The following DDX18 variants were observed in gnomAD, a reference collection of about 807,000 sequenced individuals.
DDX18 encodes DEAD-box helicase 18.
Under a neutral mutation model 73.5 loss-of-function variants are expected in DDX18, and 23 were observed. The observed-to-expected ratio is 0.31, with a 90% CI of 0.23 to 0.44. The LOEUF is 0.44. DDX18 is among the 20% of genes least tolerant of loss of function. DDX18 has a pLI of 1.00. For synonymous variants in DDX18, 268 were observed against 282.7 expected, an observed-to-expected ratio of 0.95 and a Z score of 0.52; for missense variants, 753 against 792.9, an observed-to-expected ratio of 0.95 and a Z score of 0.60.
Position 117,817,892 on chromosome 2 carries a change from C to T in DDX18, c.370+164C>T, listed in dbSNP as rs6737733. ...AATGGAAACATTTTATTGGCAGAAG[C>T]GGGGAGTCCATTTCAACTTTTCTCA... On this transcript the variant is annotated intron_variant, in intron 2 of 13. Coordinates refer to ENST00000263239, the MANE Select transcript of DDX18 (RefSeq NM_006773.4). 0.34 allele frequency among the ~76,000 whole-genome samples: 52,360 copies of T among 151,944 alleles called. 9,817 individuals carry two copies. Among genetic ancestry groups the T allele is most frequent in the African/African-American group, 0.48 (19,731 of 41,426 alleles).
chr2:117,829,393 T>A lies in DDX18; in HGVS notation c.1797T>A (p.Phe599Leu). 1 of 1,614,182 alleles carries A rather than the reference T, an allele frequency of 6.2e-7. No homozygotes were observed. Among genetic ancestry groups the A allele is most frequent in the South Asian group, 1.1e-5 (1 of 91,070 alleles). The change falls in exon 13 of 14, where the codon TTT becomes TTA. Residue 599 changes from phenylalanine (F) to leucine (L), a missense_variant. By Grantham distance (22) the Phe-to-Leu change is conservative. Transcript: ENST00000263239. ...ATTCCCATTCTCTGAAACAGATCTT[T>A]AATGTTAATAACCTAAATTTGCCTC... ...AYDSHSLKQI[F>L]NVNNLNLPQV...
intron 11 of DDX18, chr2:117,828,667 G>A (rs964928502): frequency 3.4e-6 from 1 of 297,252 alleles, no homozygotes; most frequent in African/African-American, 2.2e-5. Context: ...GCTGATTCAT[G>A]GTTGCAAATA....
Position 117,826,876 on chromosome 2 carries a change from C to G in DDX18, c.1635+494C>G, listed in dbSNP as rs2551895. ...CTCACTGTAAAAAAGTAACTTCAAC[C>G]TTAAACCTGTTCTTCTACCCCTGCC... On this transcript the variant is annotated intron_variant, in intron 11 of 13. Coordinates refer to ENST00000263239, the MANE Select transcript of DDX18 (RefSeq NM_006773.4). 562 of 156,430 alleles carry G rather than the reference C, an allele frequency of 3.6e-3. 6 individuals are homozygous for G. Among genetic ancestry groups the G allele is most frequent in the African/African-American group, 0.013 (531 of 41,626 alleles). 9.7% of individuals were successfully genotyped at this position (156,430 alleles called of 1,614,324 possible).
intron 5 of DDX18, 32 bp from the exon 6 acceptor site, chr2:117,821,830 A>C (rs1679851178): frequency 6.2e-7 from 1 of 1,613,646 alleles, no homozygotes; most frequent in Admixed American, 1.7e-5. Flanking sequence ...GGTGACAGCC[A>C]CATTTAGACT....
intron 2 of DDX18, among the ~76,000 whole-genome samples, chr2:117,818,252 T>G (rs916829963): frequency 6.6e-6 from 1 of 152,178 alleles, no homozygotes. Context: ...TAAGCAGAGA[T>G]ATCAAGGTAG....
At chr2:117,822,566 C>T (rs190909680) in intron 7 of DDX18, 39 of 301,096 alleles carry the variant, frequency 1.3e-4, no homozygotes, top group Admixed American at 2.9e-4. Flanking sequence ...TTTTGCCTTA[C>T]TTGTACATAC....
At chr2:117,823,540 G>A (rs965717872) in intron 7 of DDX18, among the ~76,000 whole-genome samples, 1 of 152,076 alleles carries the variant, frequency 6.6e-6, no homozygotes, top group East Asian at 1.9e-4. Flanking sequence ...ATCCTGTACC[G>A]AATGATTATT....
In DDX18 at chr2:117,831,773, A is replaced by G. The variant is rs1308851053; in HGVS notation, c.*1049A>G. 1 of 152,242 alleles carries G rather than the reference A, an allele frequency of 6.6e-6. No homozygotes were observed. The highest frequency in any genetic ancestry group is 1.5e-5 in the Non-Finnish European group (1 of 68,044). The allele number at this position is 152,242 out of a possible 1,614,324, so 9.4% of individuals were successfully genotyped here. A position where few individuals can be genotyped will look rare whatever the true frequency, so the allele number is the denominator to read the frequency against. On this transcript the variant is annotated 3_prime_UTR_variant, in exon 14 of 14. Coordinates refer to ENST00000263239, the MANE Select transcript of DDX18 (RefSeq NM_006773.4). ...CAAAGTTAGAAAAAAAAACAGCAAA[A>G]TCAGTGATTTAGTCAGATGAGTTTT...
Position 117,826,282 on chromosome 2 carries a change from G to A in DDX18, c.1535G>A (p.Arg512His), listed in dbSNP as rs748867652. ...TCTCCACCAAAGGAATATATTCATC[G>A]TGTGGGTAGAACAGCCAGAGGCCTA... ...PPDDPKEYIH[R>H]VGRTARGLNG... The change falls in exon 11 of 14, where the codon CGT (arginine) becomes CAT (histidine). Residue 512 changes from arginine (R) to histidine (H), a missense_variant. Arg to His is a conservative substitution (Grantham distance 29, BLOSUM62 0). Coordinates refer to ENST00000263239, the MANE Select transcript of DDX18 (RefSeq NM_006773.4). The A allele has an allele frequency of 5.0e-6, 8 of 1,613,724 alleles. No individual in the cohort carries two copies. Among genetic ancestry groups the A allele is most frequent in the Admixed American group, 3.3e-5 (2 of 59,988 alleles).
chr2:117,817,908 A>G (rs1363894472), intron 2 of DDX18, among the ~76,000 whole-genome samples, 180 bp downstream of exon 2: 3 of 152,214 alleles, frequency 2.0e-5, no homozygotes, highest in Admixed American at 1.3e-4. Flanking sequence ...GTCCATTTCA[A>G]CTTTTCTCAA....
In DDX18 at chr2:117,825,316, G is replaced by GA. The variant is rs541960471; in HGVS notation, c.1369-129dup. 1.5e-4 allele frequency: 190 copies of GA among 1,281,092 alleles called. No individual in the cohort carries two copies. The African/African-American group carries it at 2.8e-3, about 19-fold the overall frequency. The allele number at this position is 1,281,092 out of a possible 1,614,324, so 79.4% of individuals were successfully genotyped here. On this transcript the variant is annotated intron_variant, in intron 9 of 13. Coordinates refer to ENST00000263239, the MANE Select transcript of DDX18 (RefSeq NM_006773.4). The stretch of plus-strand genomic sequence containing the variant: ...CACCATCCTCCTTGAGGGGCTTGCG[G>GA]AACAGTTGGGGAAATAGGACATAGG...
At position 117,819,783 on chromosome 2, in the gene DDX18, G is replaced by A; in HGVS notation, c.505G>A (p.Gly169Arg). Residue 169 changes from glycine (G) to arginine (R), a missense_variant, in exon 3 of 14, where the codon GGA becomes AGA. Around this residue, in one of 3 missense-constraint regions of DDX18, gnomAD observed 345 missense variants for 352.0 expected, o/e 0.98. Transcript: ENST00000263239. Reference protein sequence around the residue: ...DESEVPSLPLGLTGAFEDTSF... With the variant: ...DESEVPSLPLRLTGAFEDTSF... Reference sequence around the variant, plus strand: ...GAGTGAGGTGCCCAGTCTGCCCCTGGGACTGACAGGTAACGTCCAGGAAGT... The same window carrying A: ...GAGTGAGGTGCCCAGTCTGCCCCTGAGACTGACAGGTAACGTCCAGGAAGT... The A allele has an allele frequency of 2.5e-6, 4 of 1,580,824 alleles. No individual in the cohort carries two copies. Among genetic ancestry groups the A allele is most frequent in the Non-Finnish European group, 1.7e-6 (2 of 1,168,620 alleles).
At chr2:117,826,188 G>A (rs943403044) in intron 10 of DDX18, 81 bp from the exon 11 acceptor site, 15 of 1,156,658 alleles carry the variant, frequency 1.3e-5, no homozygotes, top group Non-Finnish European at 1.9e-5. Context: ...GTACAGACAT[G>A]CACATACTCA....
chr2:117,828,999 G>A lies in DDX18; in HGVS notation c.1686G>A (p.Gln562=), dbSNP rs757840563. The change falls in exon 12 of 14, where the codon CAG becomes CAA. Residue 562 remains glutamine, a synonymous_variant. Coordinates refer to ENST00000263239, the MANE Select transcript of DDX18 (RefSeq NM_006773.4). ...CCTGGTCTAAAATTTCTGACATTCA[G>A]TCTCAGGTATGTGCTTTTTAAACGT... The part of the protein sequence containing the change: ...DFSWSKISDI[Q]SQLEKLIEKN... The A allele has an allele frequency of 6.2e-7, 1 of 1,612,400 alleles. No homozygotes were observed. Among genetic ancestry groups the A allele is most frequent in the Non-Finnish European group, 8.5e-7 (1 of 1,178,578 alleles).
chr2:117,819,936 T>C, intron 3 of DDX18, 144 bp downstream of exon 3: 2 of 741,826 alleles, frequency 2.7e-6, no homozygotes, highest in Non-Finnish European at 3.9e-6. Flanking sequence ...ATCTTTCTGC[T>C]GCTTTTTCTC....
intron 3 of DDX18, among the ~76,000 whole-genome samples, chr2:117,820,898 T>C (rs72834315): frequency 0.013 from 1,940 of 152,320 alleles, 18 homozygotes; most frequent in Non-Finnish European, 0.023. Flanking sequence ...TTTTATTTTA[T>C]ATAAATTCCT....
chr2:117,822,171 A>G lies in DDX18; in HGVS notation c.976A>G (p.Asn326Asp). Residue 326 changes from asparagine (N) to aspartate (D), a missense_variant, in exon 7 of 14, where the codon AAC (asparagine) becomes GAC (aspartate). By Grantham distance (23) the Asn-to-Asp change is conservative (BLOSUM62 1). Transcript: ENST00000263239. ...GAATACCCCAGGATTTATGTATAAA[A>G]ACCTGCAGTGTCTGGTTATTGATGA... ...MQNTPGFMYK[N>D]LQCLVIDEAD... The G allele has an allele frequency of 6.2e-7, 1 of 1,613,970 alleles. No homozygotes were observed. Among genetic ancestry groups the G allele is most frequent in the Non-Finnish European group, 8.5e-7 (1 of 1,179,864 alleles).
chr2:117,823,793 T>C (rs533332888), intron 7 of DDX18, among the ~76,000 whole-genome samples: 5 of 152,356 alleles, frequency 3.3e-5, no homozygotes, highest in African/African-American at 1.2e-4. Flanking sequence ...GCAGGTTTTA[T>C]ATAGATGCCT....
chr2:117,814,789 G>C lies in DDX18; in HGVS notation c.12G>C (p.Leu4=). Residue 4 remains leucine, a synonymous_variant, in exon 1 of 14, where the codon CTG becomes CTC. Coordinates refer to ENST00000263239, the MANE Select transcript of DDX18 (RefSeq NM_006773.4). MSH[L]PMKLLRKKIE... ...ACTTGTTGGGCAGAATGTCACACCT[G>C]CCGATGAAACTCCTGCGTAAGAAGA... The C allele has an allele frequency of 6.2e-7, 1 of 1,614,190 alleles. No homozygotes were observed. Among genetic ancestry groups the C allele is most frequent in the East Asian group, 2.2e-5 (1 of 44,880 alleles).
Sources: allele counts gnomAD v4.1 joint callset (sites outside exome capture counted in the v4.1 genomes callset), GRCh38; gene constraint gnomAD v4.1.1; regional missense constraint gnomAD v4.1.1; transcripts MANE v1.5; gene names NCBI Gene and HGNC (gene_info 2026-07-23, HGNC 2026-07-21).